Variants in CLEC2B observed in about 807,000 individuals in gnomAD.
The protein encoded by CLEC2B is C-type (calcium dependent, carbohydrate-recognition domain) lectin, superfamily member 2 (activation-induced).
CLEC2B carries 14 observed loss-of-function variants against 16.2 expected under a neutral mutation model. The observed-to-expected ratio is 0.86, with a 90% CI of 0.57 to 1.35. The LOEUF is 1.35. Ranked by LOEUF, CLEC2B falls within the 40% of genes most tolerant of loss-of-function variation. The probability of loss-of-function intolerance (pLI) is 0.00; values close to 1 mark genes in which losing one functional copy is unlikely to be tolerated. For synonymous variants in CLEC2B, 42 were observed against 55.8 expected (o/e 0.75, Z 1.10); for missense variants, 166 against 182.3 (o/e 0.91, Z 0.52).
Position 9,852,383 on chromosome 12 carries a change from A to C in CLEC2B, c.*917T>G, listed in dbSNP as rs1591767257. Among the ~76,000 whole-genome samples the C allele has an allele frequency of 6.6e-6, 1 of 152,184 alleles. No homozygotes were observed. Among genetic ancestry groups the C allele is most frequent in the African/African-American group, 2.4e-5 (1 of 41,442 alleles). On this transcript the variant is annotated 3_prime_UTR_variant, in exon 5 of 5. Coordinates refer to ENST00000228438, the MANE Select transcript of CLEC2B (RefSeq NM_005127.3). The stretch of plus-strand genomic sequence containing the variant: ...ACAAAGTTACGTATTGTTTTGAAAG[A>C]AAGTTTATTGGCCCTAGTAAAGTTT...
Position 9,852,715 on chromosome 12 carries a change from A to G in CLEC2B, c.*585T>C, listed in dbSNP as rs530174011. Among the ~76,000 whole-genome samples the G allele has an allele frequency of 5.1e-4, 78 of 152,270 alleles. 1 individual carries two copies. In the South Asian group the frequency reaches 0.016, roughly 31 times the overall value. On this transcript the variant is annotated 3_prime_UTR_variant, in exon 5 of 5. Transcript: ENST00000228438. ...GGGTAAAGCCAGTTAGCAAACACAT[A>G]CGGTGTGTGATCTCCTCCTCACCTT...
At chr12:9,867,956 C>A (rs1440279895) in intron 1 of CLEC2B, among the ~76,000 whole-genome samples, 2 of 151,632 alleles carry the variant, frequency 1.3e-5, no homozygotes, top group Non-Finnish European at 2.9e-5. Flanking sequence ...AGAAAAAAAT[C>A]ATAAAATACT....
intron 1 of CLEC2B, among the ~76,000 whole-genome samples, chr12:9,865,180 CAAAAAAAA>C (rs56774558): frequency 1.0e-5 from 1 of 99,102 alleles, no homozygotes; most frequent in South Asian, 3.6e-4. Context: ...AAGACTCTCT[CAAAAAAAA>C]AAAAAAAAAA....
Position 9,853,363 on chromosome 12 carries a change from A to G in CLEC2B, c.387T>C (p.Asp129=). The G allele has an allele frequency of 1.2e-6, 2 of 1,614,124 alleles. No individual in the cohort carries two copies. The highest frequency in any genetic ancestry group is 1.7e-6 in the Non-Finnish European group (2 of 1,180,002). The change falls in exon 5 of 5, where the codon GAT becomes GAC. Residue 129 remains aspartate (D), a synonymous_variant. Transcript: ENST00000228438. The stretch of plus-strand genomic sequence containing the variant: ...TGTAACATCTAGCTGTTGCTGCACC[A>G]TCATCGCTGAGGTAGGCACATCCTT... The part of the protein sequence containing the change: ...GSEGCAYLSD[D]GAATARCYTE...
chr12:9,857,429 TC>T, intron 3 of CLEC2B, 44 bp downstream of exon 3: 1 of 1,412,422 alleles, frequency 7.1e-7, no homozygotes, highest in South Asian at 1.2e-5. Context: ...TTTCTAATGC[TC>T]CGACTCAAGA....
At chr12:9,868,478 G>A (rs1199851113) in intron 1 of CLEC2B, among the ~76,000 whole-genome samples, 1 of 152,044 alleles carries the variant, frequency 6.6e-6, no homozygotes, top group Non-Finnish European at 1.5e-5. Context: ...AATGCTTAAA[G>A]CTCATCACAG....
intron 2 of CLEC2B, among the ~76,000 whole-genome samples, chr12:9,857,898 A>G (rs1165763595): frequency 6.6e-6 from 1 of 152,118 alleles, no homozygotes; most frequent in African/African-American, 2.4e-5. Context: ...GAATTATTCT[A>G]CTTGTGTAGG....
intron 2 of CLEC2B, among the ~76,000 whole-genome samples, chr12:9,861,112 G>A (rs1867929469): frequency 6.6e-6 from 1 of 151,934 alleles, no homozygotes; most frequent in Non-Finnish European, 1.5e-5. Context: ...AAGCTCTGTC[G>A]ATTGAAAGAC....
Position 9,853,241 on chromosome 12 carries a change from T to G in CLEC2B, c.*59A>C. 1.5e-6 allele frequency: 2 copies of G among 1,314,818 alleles called. No homozygotes were observed. Among genetic ancestry groups the G allele is most frequent in the South Asian group, 2.4e-5 (2 of 82,482 alleles). 81.4% of individuals were successfully genotyped at this position (1,314,818 alleles called of 1,614,324 possible). A position where few individuals can be genotyped will look rare whatever the true frequency, so the allele number is the denominator to read the frequency against. On this transcript the variant is annotated 3_prime_UTR_variant, in exon 5 of 5. Coordinates refer to ENST00000228438, the MANE Select transcript of CLEC2B (RefSeq NM_005127.3). ...ACTTTGTTTAATTAAAAAAGTACTT[T>G]GCTGGTTTTACACTTAATAATGTTA...
chr12:9,865,765 A>G (rs1022172011), intron 1 of CLEC2B, among the ~76,000 whole-genome samples: 2 of 152,178 alleles, frequency 1.3e-5, no homozygotes, highest in Non-Finnish European at 2.9e-5. Flanking sequence ...CCAAAAAACA[A>G]GTCTCAATAA....
intron 3 of CLEC2B, among the ~76,000 whole-genome samples, chr12:9,855,773 A>G (rs1867890631): frequency 6.6e-6 from 1 of 152,128 alleles, no homozygotes; most frequent in Non-Finnish European, 1.5e-5. Flanking sequence ...GCCCCTTGTT[A>G]GAAGTGCAAT....
intron 3 of CLEC2B, chr12:9,854,700 G>C (rs766025865): frequency 3.4e-5 from 17 of 504,706 alleles, no homozygotes; most frequent in Non-Finnish European, 5.2e-5. Context: ...ATTTTCTTTA[G>C]ATATGATTCC....
chr12:9,860,842 T>G (rs1867927630), intron 2 of CLEC2B, among the ~76,000 whole-genome samples: 1 of 151,872 alleles, frequency 6.6e-6, no homozygotes, highest in South Asian at 2.1e-4. Flanking sequence ...AAAGACCAAC[T>G]GCAGTTGAGT....
In CLEC2B at chr12:9,857,474, CA is replaced by C; in HGVS notation, c.236del (p.Met79ArgfsTer17). 1 of 1,599,942 alleles carries C rather than the reference CA, an allele frequency of 6.3e-7. No homozygotes were observed. Among genetic ancestry groups the C allele is most frequent in the Non-Finnish European group, 8.6e-7 (1 of 1,169,566 alleles). On this transcript the variant is annotated frameshift_variant and splice_region_variant, in exon 3 of 5. Transcript: ENST00000228438. LOFTEE classifies it high-confidence loss of function. ...DLTIIDNIEE[M>X]NFLRRYKCSS... ...AAAGAATGTATATTAAATTACTTAC[CA>C]TTTCTTCTATGTTGTCAATTATAGT...
Position 9,853,214 on chromosome 12 carries a change from G to C in CLEC2B, c.*86C>G. ...AATTAACCAGACAGGTACAAAACTC[G>C]AACTTTGTTTAATTAAAAAAGTACT... On this transcript the variant is annotated 3_prime_UTR_variant, in exon 5 of 5. Coordinates refer to ENST00000228438, the MANE Select transcript of CLEC2B (RefSeq NM_005127.3). 9.4e-7 allele frequency: 1 copy of C among 1,064,962 alleles called. No homozygotes were observed. Among genetic ancestry groups the C allele is most frequent in the Non-Finnish European group, 1.4e-6 (1 of 714,184 alleles). The allele number at this position is 1,064,962 out of a possible 1,614,324, so 66.0% of individuals were successfully genotyped here.
chr12:9,856,465 C>T (rs1867894802), intron 3 of CLEC2B, among the ~76,000 whole-genome samples: 1 of 152,042 alleles, frequency 6.6e-6, no homozygotes, highest in African/African-American at 2.4e-5. Context: ...TAGCTTTCAA[C>T]ATTTTACTAC....
At chr12:9,853,667 TA>T (rs1346175016) in intron 4 of CLEC2B, among the ~76,000 whole-genome samples, 1 of 152,154 alleles carries the variant, frequency 6.6e-6, no homozygotes, top group Non-Finnish European at 1.5e-5. Context: ...GGTTTTCAAT[TA>T]GGGGTGATTT....
intron 1 of CLEC2B, among the ~76,000 whole-genome samples, chr12:9,864,854 T>C (rs1400443953): frequency 7.0e-6 from 1 of 142,478 alleles, no homozygotes. Context: ...AACAATAACA[T>C]GGAATTTAAA....
chr12:9,867,012 A>T (rs1215011138), intron 1 of CLEC2B: 1 of 152,134 alleles, frequency 6.6e-6, no homozygotes, highest in Non-Finnish European at 1.5e-5. Context: ...CGTACAGATG[A>T]CCCCAGCTTC....
Sources: gnomAD v4.1 joint callset for allele counts (sites outside exome capture counted in the v4.1 genomes callset) on GRCh38, gnomAD v4.1.1 for gene constraint, MANE v1.5 for transcripts, NCBI Gene and HGNC (gene_info 2026-07-23, HGNC 2026-07-21) for gene names.